The following ENPP6 variants were observed in gnomAD, a reference collection of about 807,000 sequenced individuals.
ENPP6 encodes the protein glycerophosphocholine cholinephosphodiesterase ENPP6.
In ENPP6, 32 loss-of-function variants were observed where a neutral mutation model predicts 42.0. That is an observed-to-expected ratio of 0.76 (90% CI 0.58 to 1.02). ENPP6 has a LOEUF of 1.02. Ranked by LOEUF, ENPP6 falls within the 50% of genes least tolerant of loss-of-function variation. The pLI is 0.00. For synonymous variants in ENPP6, 213 were observed against 216.0 expected, an observed-to-expected ratio of 0.99 and a Z score of 0.12; for missense variants, 552 against 566.8, an observed-to-expected ratio of 0.97 and a Z score of 0.27.
At chr4:184,119,357 G>A (rs1371373000) in intron 3 of ENPP6, among the ~76,000 whole-genome samples, 2 of 64,312 alleles carry the variant, frequency 3.1e-5, no homozygotes, top group East Asian at 9.9e-4. Context: ...GTGTGTGTGT[G>A]TGTGTGTGTC....
intron 1 of ENPP6, among the ~76,000 whole-genome samples, chr4:184,179,758 C>T (rs1732520678): frequency 6.6e-6 from 1 of 152,190 alleles, no homozygotes; most frequent in African/African-American, 2.4e-5. Context: ...GAGCAACCTG[C>T]TCCTGAATGA....
At chr4:184,209,451 G>A (rs1579669034) in intron 1 of ENPP6, among the ~76,000 whole-genome samples, 1 of 151,840 alleles carries the variant, frequency 6.6e-6, no homozygotes, top group East Asian at 1.9e-4. Flanking sequence ...AGAAGCCTCA[G>A]GAGCCAAAGC....
At chr4:184,204,396 G>A (rs1316417363) in intron 1 of ENPP6, among the ~76,000 whole-genome samples, 2 of 152,172 alleles carry the variant, frequency 1.3e-5, no homozygotes, top group African/African-American at 2.4e-5. Context: ...AAGAGTGGCC[G>A]TGCAAGTCCC....
chr4:184,174,336 T>G (rs1475714462), intron 1 of ENPP6, among the ~76,000 whole-genome samples: 1 of 151,880 alleles, frequency 6.6e-6, no homozygotes, highest in South Asian at 2.1e-4. Flanking sequence ...AGTTTTTTTT[T>G]GAAATAAGTG....
intron 1 of ENPP6, among the ~76,000 whole-genome samples, chr4:184,160,391 C>A (rs1391110007): frequency 6.6e-6 from 1 of 152,022 alleles, no homozygotes; most frequent in Non-Finnish European, 1.5e-5. Flanking sequence ...TTTGTATTTC[C>A]CTAATAGTGA....
rs1560987354 is a variant in ENPP6 at position 184,131,230 on chromosome 4, CTT to C, written c.422-6960_422-6959del. Among the ~76,000 whole-genome samples, 204 of 61,384 alleles carry C rather than the reference CTT, an allele frequency of 3.3e-3. 12 individuals are homozygous for C. The highest frequency in any genetic ancestry group is 0.01 in the African/African-American group (168 of 16,016). The allele number at this position is 61,384 out of a possible 152,430, so 40.3% of individuals were successfully genotyped here. ...TTTCTTTCTTTCTTTTTCTTTCTTTCTTTCCTTTTCTTTCTTTCTTTCTCTTT... is the reference window on the plus strand; with the variant it reads ...TTTCTTTCTTTCTTTTTCTTTCTTTCTCCTTTTCTTTCTTTCTTTCTCTTT... On this transcript the variant is annotated intron_variant, in intron 2 of 7. Transcript: ENST00000296741.
intron 1 of ENPP6, among the ~76,000 whole-genome samples, chr4:184,208,809 A>G (rs1182049965): frequency 7.0e-6 from 1 of 143,056 alleles, no homozygotes; most frequent in East Asian, 2.0e-4. Flanking sequence ...ACAAAAAGAC[A>G]GCAGTAACCT....
intron 1 of ENPP6, among the ~76,000 whole-genome samples, chr4:184,163,915 C>T (rs1421713658): frequency 2.6e-5 from 4 of 152,212 alleles, no homozygotes; most frequent in Admixed American, 2.0e-4. Context: ...TCTTGGAAAT[C>T]GTTCTTTTCT....
At chr4:184,147,501 C>T (rs1303344710) in intron 2 of ENPP6, among the ~76,000 whole-genome samples, 1 of 152,320 alleles carries the variant, frequency 6.6e-6, no homozygotes, top group South Asian at 2.1e-4. Context: ...AATGCTTCAG[C>T]ATGGGCCAGA....
intron 1 of ENPP6, among the ~76,000 whole-genome samples, chr4:184,158,892 C>T (rs995874220): frequency 6.6e-6 from 1 of 152,134 alleles, no homozygotes; most frequent in Non-Finnish European, 1.5e-5. Context: ...ATACCTAGAG[C>T]TTTGTAAATG....
chr4:184,194,101 T>C (rs1732754386), intron 1 of ENPP6, among the ~76,000 whole-genome samples: 1 of 152,160 alleles, frequency 6.6e-6, no homozygotes, highest in South Asian at 2.1e-4. Context: ...GTCCCCGAGG[T>C]TCCTCTTTCT....
At chr4:184,213,196 A>G (rs1471581346) in intron 1 of ENPP6, among the ~76,000 whole-genome samples, 1 of 152,102 alleles carries the variant, frequency 6.6e-6, no homozygotes, top group Non-Finnish European at 1.5e-5. Flanking sequence ...CTTCATGTCT[A>G]AAACACCAAA....
intron 1 of ENPP6, among the ~76,000 whole-genome samples, chr4:184,170,256 C>G (rs536902197): frequency 6.6e-6 from 1 of 152,086 alleles, no homozygotes; most frequent in Non-Finnish European, 1.5e-5. Context: ...ATGGTGAAAC[C>G]CTGTCTCTAC....
At chr4:184,193,918 T>G (rs1579658855) in intron 1 of ENPP6, among the ~76,000 whole-genome samples, 1 of 152,244 alleles carries the variant, frequency 6.6e-6, no homozygotes, top group African/African-American at 2.4e-5. Flanking sequence ...TTCAGTTTGA[T>G]GCTACTGACT....
chr4:184,095,465 G>A (rs1579604234), intron 7 of ENPP6, among the ~76,000 whole-genome samples: 1 of 152,038 alleles, frequency 6.6e-6, no homozygotes, highest in Middle Eastern at 3.4e-3. Context: ...TTTGAGACCA[G>A]CCTGGCCAAT....
chr4:184,215,031 G>T lies in ENPP6; in HGVS notation c.241+2548C>A, dbSNP rs561655515. Reference sequence around the variant, plus strand: ...AATAAAATTCCCCATGCATTGCCTAGTTCTATGTCTGCATCCAGCAGCACC... The same window carrying T: ...AATAAAATTCCCCATGCATTGCCTATTTCTATGTCTGCATCCAGCAGCACC... On this transcript the variant is annotated intron_variant, in intron 1 of 7. Transcript: ENST00000296741. 2.4e-3 allele frequency among the ~76,000 whole-genome samples: 364 copies of T among 152,298 alleles called. 3 individuals carry two copies. Among genetic ancestry groups the T allele is most frequent in the Non-Finnish European group, 4.6e-3 (310 of 68,022 alleles).
intron 1 of ENPP6, among the ~76,000 whole-genome samples, chr4:184,205,650 G>A (rs1732984180): frequency 6.6e-6 from 1 of 152,194 alleles, no homozygotes. Context: ...TGGTTGTAGG[G>A]CAGGCACTGC....
chr4:184,131,007 TA>T (rs372388891), intron 2 of ENPP6, among the ~76,000 whole-genome samples: 1 of 152,298 alleles, frequency 6.6e-6, no homozygotes, highest in East Asian at 1.9e-4. Flanking sequence ...TTGGTGCTCA[TA>T]GGTATGCATT....
At chr4:184,125,868 G>T (rs1452885460) in intron 2 of ENPP6, among the ~76,000 whole-genome samples, 1 of 152,190 alleles carries the variant, frequency 6.6e-6, no homozygotes, top group Non-Finnish European at 1.5e-5. Flanking sequence ...AATCTTGAAT[G>T]ACTATATCAC....
Sources: gnomAD v4.1 joint callset for allele counts (sites outside exome capture counted in the v4.1 genomes callset) on GRCh38, gnomAD v4.1.1 for gene constraint, MANE v1.5 for transcripts, NCBI Gene and HGNC (gene_info 2026-07-23, HGNC 2026-07-21) for gene names.